TMX1: variants seen among roughly 807,000 people sequenced by gnomAD.
The protein encoded by TMX1 is thioredoxin-related transmembrane protein 1.
Under a neutral mutation model 36.6 loss-of-function variants are expected in TMX1, and 25 were observed. The ratio of observed to expected loss-of-function variants is 0.68; its 90% confidence interval spans 0.50 to 0.95. The LOEUF (loss-of-function observed/expected upper bound fraction) is 0.95, where lower values mean the gene tolerates loss of function less well. Among genes scored for constraint, TMX1 ranks in the 40% least tolerant of loss-of-function variants. TMX1 has a pLI of 0.00. For synonymous variants in TMX1, 133 were observed against 118.0 expected (o/e 1.13, Z -0.82); for missense variants, 347 against 339.6 (o/e 1.02, Z -0.17).
chr14:51,244,894 T>A (rs1306921217), intron 2 of TMX1, among the ~76,000 whole-genome samples: 1 of 152,158 alleles, frequency 6.6e-6, no homozygotes, highest in Admixed American at 6.5e-5. Flanking sequence ...GAAAGATTCA[T>A]AGTATTTTCC....
chr14:51,247,647 A>G (rs973836559), intron 4 of TMX1, among the ~76,000 whole-genome samples: 2 of 152,176 alleles, frequency 1.3e-5, no homozygotes, highest in African/African-American at 2.4e-5. Context: ...GTGAGCCACT[A>G]TGCACGGCCT....
In TMX1 at chr14:51,245,312, G is replaced by A. The variant is rs1210478803; in HGVS notation, c.269-1G>A. 4.3e-6 allele frequency: 7 copies of A among 1,613,692 alleles called. No homozygotes were observed. Among genetic ancestry groups the A allele is most frequent in the Non-Finnish European group, 5.9e-6 (7 of 1,179,936 alleles). On this transcript the variant is annotated splice_acceptor_variant, in intron 2 of 7. Transcript: ENST00000457354. LOFTEE classifies it high-confidence loss of function. ...ACCTGCTGTGTGTTCTTTATTTGTA[G>A]GACTGAGTGGACGGTTTATCATAAC... is the stretch of plus-strand genomic sequence containing the variant.
In TMX1 at chr14:51,246,226, C is replaced by T. The variant is rs567976999; in HGVS notation, c.315-866C>T. Reference sequence around the variant, plus strand: ...CTTCAGTCTCTCCCTTTGCTTTTCACTTCTTAGTGCCCTGTGACCTTATTT... The same window carrying T: ...CTTCAGTCTCTCCCTTTGCTTTTCATTTCTTAGTGCCCTGTGACCTTATTT... On this transcript the variant is annotated intron_variant, in intron 3 of 7. Transcript: ENST00000457354. Among the ~76,000 whole-genome samples the T allele has an allele frequency of 4.6e-5, 7 of 152,234 alleles. No individual in the cohort carries two copies. The South Asian group carries it at 8.3e-4, about 18-fold the overall frequency.
At chr14:51,245,164 T>G in intron 2 of TMX1, 149 bp from the exon 3 acceptor site, 1 of 923,424 alleles carries the variant, frequency 1.1e-6, no homozygotes, top group Non-Finnish European at 1.6e-6. Flanking sequence ...AGTACATAAT[T>G]CATTTTTAAA....
chr14:51,254,507 A>G lies in TMX1; in HGVS notation c.831A>G (p.Thr277=). 6.3e-7 allele frequency: 1 copy of G among 1,588,426 alleles called. No individual in the cohort carries two copies. Among genetic ancestry groups the G allele is most frequent in the Non-Finnish European group, 8.5e-7 (1 of 1,173,640 alleles). Residue 277 remains threonine, a synonymous_variant, in exon 8 of 8, where the codon ACA becomes ACG. Coordinates refer to ENST00000457354, the MANE Select transcript of TMX1 (RefSeq NM_030755.5). ...RQRSLGPSLA[T]DKS ...GCTCTCTGGGTCCATCATTGGCCACAGATAAATCCTAGTTAAATTTTATAG... is the reference window on the plus strand; with the variant it reads ...GCTCTCTGGGTCCATCATTGGCCACGGATAAATCCTAGTTAAATTTTATAG...
chr14:51,248,501 C>G (rs765802940), intron 4 of TMX1, among the ~76,000 whole-genome samples: 2 of 152,170 alleles, frequency 1.3e-5, no homozygotes, highest in Admixed American at 6.5e-5. Context: ...CTATACAGTG[C>G]TTTATGTTTC....
At chr14:51,247,397 C>T (rs1007938897) in intron 4 of TMX1, among the ~76,000 whole-genome samples, 177 bp downstream of exon 4, 4 of 140,352 alleles carry the variant, frequency 2.8e-5, no homozygotes, top group Non-Finnish European at 6.0e-5. Flanking sequence ...TGCTCTGTCG[C>T]CCAGGCTGGA....
chr14:51,257,289 G>A lies in TMX1; in HGVS notation c.*2770G>A, dbSNP rs1026838454. ...AAAGCAATTTTCTCTCATCAGTTTC[G>A]TCCTTATTCAGCCTTACACAAAAAA... On this transcript the variant is annotated 3_prime_UTR_variant, in exon 8 of 8. Transcript: ENST00000457354. 5 of 152,002 alleles carry A rather than the reference G, an allele frequency of 3.3e-5. No homozygotes were observed. The highest frequency in any genetic ancestry group is 2.1e-4 in the South Asian group (1 of 4,816). The allele number at this position is 152,002 out of a possible 1,614,324, so 9.4% of individuals were successfully genotyped here.
chr14:51,249,443 G>GTTT, intron 5 of TMX1, 25 bp from the exon 6 acceptor site: 1 of 1,396,146 alleles, frequency 7.2e-7, no homozygotes, highest in Non-Finnish European at 9.8e-7. Flanking sequence ...CAGATTTTTA[G>GTTT]TTTTTTTTTT....
Position 51,247,080 on chromosome 14 carries a change from G to T in TMX1, c.315-12G>T, listed in dbSNP as rs757512902. ...TCAGTGCTGGATAATATTTAATTCT[G>T]ATTCTCTTTAGTTGTAAAGATGGTG... On this transcript the variant is annotated splice_polypyrimidine_tract_variant and intron_variant, in intron 3 of 7. Coordinates refer to ENST00000457354, the MANE Select transcript of TMX1 (RefSeq NM_030755.5). 1 of 1,596,728 alleles carries T rather than the reference G, an allele frequency of 6.3e-7. No individual in the cohort carries two copies. Among genetic ancestry groups the T allele is most frequent in the South Asian group, 1.1e-5 (1 of 87,578 alleles).
chr14:51,247,531 G>T (rs985126722), intron 4 of TMX1, among the ~76,000 whole-genome samples: 5 of 151,738 alleles, frequency 3.3e-5, no homozygotes, highest in Non-Finnish European at 7.4e-5. Flanking sequence ...TAATTTTTTT[G>T]TATTTTTAGT....
intron 7 of TMX1, chr14:51,253,925 GT>G (rs1465165821): frequency 8.9e-4 from 136 of 152,720 alleles, no homozygotes; most frequent in Non-Finnish European, 8.8e-5. Flanking sequence ...ATATGAGATA[GT>G]TTTTTTAAAA....
chr14:51,246,313 T>C (rs1031360885), intron 3 of TMX1, among the ~76,000 whole-genome samples: 1 of 152,196 alleles, frequency 6.6e-6, no homozygotes, highest in African/African-American at 2.4e-5. Flanking sequence ...TCCTGTTTCC[T>C]GCCTGTCGAA....
rs140762164 is a variant in TMX1, at chr14:51,243,185, A to G, written c.153-671A>G. On this transcript the variant is annotated intron_variant, in intron 1 of 7. Coordinates refer to ENST00000457354, the MANE Select transcript of TMX1 (RefSeq NM_030755.5). ...AATAAGATCCTCAGGAGATAATACC[A>G]GAGGAGTAATTTAAATGCTAATATG... Among the ~76,000 whole-genome samples, 394 of 152,264 alleles carry G rather than the reference A, an allele frequency of 2.6e-3. 2 individuals are homozygous for G. The highest frequency in any genetic ancestry group is 9.2e-3 in the African/African-American group (381 of 41,546).
At chr14:51,253,538 C>G (rs2065824510) in intron 7 of TMX1, among the ~76,000 whole-genome samples, 1 of 152,166 alleles carries the variant, frequency 6.6e-6, no homozygotes, top group Non-Finnish European at 1.5e-5. Context: ...TTCTTGATTG[C>G]CTAGGATTGG....
rs925518421 is a variant in TMX1 at position 51,255,307 on chromosome 14, T to C, written c.*788T>C. 1.3e-5 allele frequency: 2 copies of C among 152,032 alleles called. No homozygotes were observed. Among genetic ancestry groups the C allele is most frequent in the African/African-American group, 4.8e-5 (2 of 41,452 alleles). 9.4% of individuals were successfully genotyped at this position (152,032 alleles called of 1,614,324 possible). A position where few individuals can be genotyped will look rare whatever the true frequency, so the allele number is the denominator to read the frequency against. ...AAACTGAAGTTTACTGAGAGATCCA[T>C]CAAATTGAACAATCTGTTGTAATTT... is the stretch of plus-strand genomic sequence containing the variant. On this transcript the variant is annotated 3_prime_UTR_variant, in exon 8 of 8. Coordinates refer to ENST00000457354, the MANE Select transcript of TMX1 (RefSeq NM_030755.5).
rs869090746 is a variant in TMX1 at position 51,250,479 on chromosome 14, CT to C, written c.664+718del. On this transcript the variant is annotated intron_variant, in intron 7 of 7. Coordinates refer to ENST00000457354, the MANE Select transcript of TMX1 (RefSeq NM_030755.5). ...CCTGATATTCCTTCATTTATTATGTCTTTTGTTTGTTTGTTTGTTTGTTTGT... is the reference window on the plus strand; with the variant it reads ...CCTGATATTCCTTCATTTATTATGTCTTTGTTTGTTTGTTTGTTTGTTTGT... 8.6e-5 allele frequency among the ~76,000 whole-genome samples: 7 copies of C among 81,280 alleles called. No homozygotes were observed. The South Asian group carries it at 2.4e-3, about 28-fold the overall frequency. 53.3% of individuals were successfully genotyped at this position (81,280 alleles called of 152,430 possible). A position where few individuals can be genotyped will look rare whatever the true frequency, so the allele number is the denominator to read the frequency against.
chr14:51,243,797 A>G (rs2065773034), intron 1 of TMX1, 59 bp from the exon 2 acceptor site: 3 of 1,187,876 alleles, frequency 2.5e-6, no homozygotes, highest in African/African-American at 1.6e-5. Context: ...TTTTATCCCA[A>G]GATAAATGGT....
At chr14:51,252,812 G>A (rs914089461) in intron 7 of TMX1, among the ~76,000 whole-genome samples, 1 of 152,182 alleles carries the variant, frequency 6.6e-6, no homozygotes, top group Non-Finnish European at 1.5e-5. Context: ...GAAGTCTGAG[G>A]TCAGGGTTGA....
Sources: gnomAD v4.1 joint callset for allele counts (sites outside exome capture counted in the v4.1 genomes callset) on GRCh38, gnomAD v4.1.1 for gene constraint, MANE v1.5 for transcripts, NCBI Gene and HGNC (gene_info 2026-07-23, HGNC 2026-07-21) for gene names.